Variants in PTGES3L observed in about 807,000 individuals in gnomAD.
The protein encoded by PTGES3L is prostaglandin E synthase 3 like, also known as putative protein PTGES3L.
In PTGES3L, 17 loss-of-function variants were observed where a neutral mutation model predicts 25.0. That is an observed-to-expected ratio of 0.68 (90% CI 0.47 to 1.02). The LOEUF is 1.02. Ranked by LOEUF, PTGES3L falls within the 50% of genes least tolerant of loss-of-function variation. The probability of loss-of-function intolerance (pLI) is 0.00; values close to 1 mark genes in which losing one functional copy is unlikely to be tolerated. For synonymous variants in PTGES3L, 59 were observed against 65.7 expected (o/e 0.90, Z 0.50); for missense variants, 202 against 197.5 (o/e 1.02, Z -0.14).
chr17:42,974,508 A>C (rs1408781107), intron 4 of PTGES3L, among the ~76,000 whole-genome samples: 1 of 151,912 alleles, frequency 6.6e-6, no homozygotes, highest in African/African-American at 2.4e-5. Flanking sequence ...TGCAGTGGCT[A>C]ACATCTGTAA....
chr17:42,970,674 G>GCACACACACACACACACA lies in PTGES3L; in HGVS notation c.379-333_379-332insTGTGTGTGTGTGTGTGTG, dbSNP rs1482998381. Reference sequence around the variant, plus strand: ...CCCATGAAGTTGTCTGGCTTAACACGCGCACACACACACACACACACACAC... The same window carrying GCACACACACACACACACA: ...CCCATGAAGTTGTCTGGCTTAACACGCACACACACACACACACACGCACACACACACACACACACACAC... On this transcript the variant is annotated intron_variant, in intron 5 of 6. Coordinates refer to ENST00000591916, the MANE Select transcript of PTGES3L (RefSeq NM_001261430.2). Among the ~76,000 whole-genome samples, 449 of 105,658 alleles carry GCACACACACACACACACA rather than the reference G, an allele frequency of 4.2e-3. 13 individuals carry two copies. Among genetic ancestry groups the GCACACACACACACACACA allele is most frequent in the African/African-American group, 0.014 (428 of 30,598 alleles). 69.3% of individuals were successfully genotyped at this position (105,658 alleles called of 152,430 possible).
At chr17:42,970,676 GCACACACACACACACACACACACA>G (rs57542042) in intron 5 of PTGES3L, among the ~76,000 whole-genome samples, 1 of 144,092 alleles carries the variant, frequency 6.9e-6, no homozygotes, top group South Asian at 2.2e-4. Flanking sequence ...CTTAACACGC[GCACACACACACACACACACACACA>G]CACACACACA....
At chr17:42,970,676 GCACACACACA>G (rs57542042) in intron 5 of PTGES3L, among the ~76,000 whole-genome samples, 7,927 of 144,102 alleles carry the variant, frequency 0.055, 304 homozygotes, top group East Asian at 0.2. Flanking sequence ...CTTAACACGC[GCACACACACA>G]CACACACACA....
chr17:42,973,586 A>G (rs1244136471), intron 4 of PTGES3L, among the ~76,000 whole-genome samples: 1 of 151,638 alleles, frequency 6.6e-6, no homozygotes, highest in Non-Finnish European at 1.5e-5. Flanking sequence ...GAGAAATCGG[A>G]TGGTTGCCGT....
chr17:42,973,170 C>T (rs2049881996), intron 4 of PTGES3L, among the ~76,000 whole-genome samples: 1 of 148,724 alleles, frequency 6.7e-6, no homozygotes. Context: ...GCCCAGCAGC[C>T]ACCCCATCCG....
chr17:42,972,305 C>G (rs1049190365), intron 4 of PTGES3L, among the ~76,000 whole-genome samples: 1 of 4,360 alleles, frequency 2.3e-4, no homozygotes, highest in Non-Finnish European at 1.2e-3. Flanking sequence ...TGCCCTCTCT[C>G]TCTCCCTCTC....
chr17:42,976,676 G>C (rs1233583158), intron 4 of PTGES3L, among the ~76,000 whole-genome samples: 1 of 151,968 alleles, frequency 6.6e-6, no homozygotes, highest in Non-Finnish European at 1.5e-5. Flanking sequence ...CACCACACCC[G>C]GCCTTAAAAT....
At chr17:42,979,999 C>T (rs1286829250) in intron 1 of PTGES3L, 47 bp downstream of exon 1, 1 of 1,525,094 alleles carries the variant, frequency 6.6e-7, no homozygotes, top group East Asian at 2.5e-5. Context: ...AGCAGGGAAT[C>T]TCCAGGGAAA....
chr17:42,971,916 G>A (rs760215312), intron 4 of PTGES3L: 30 of 501,648 alleles, frequency 6.0e-5, no homozygotes, highest in African/African-American at 1.4e-4. Flanking sequence ...CCGGCCAGGC[G>A]TGGTGGCTCA....
At chr17:42,970,088 C>T (rs2049804397) in intron 6 of PTGES3L, among the ~76,000 whole-genome samples, 1 of 152,140 alleles carries the variant, frequency 6.6e-6, no homozygotes, top group Non-Finnish European at 1.5e-5. Flanking sequence ...GATCGGGCCA[C>T]TGCACTCCAA....
At position 42,969,169 on chromosome 17, in the gene PTGES3L, A is replaced by G; in HGVS notation, c.450T>C (p.Ala150=). 1.4e-6 allele frequency: 2 copies of G among 1,392,080 alleles called. No homozygotes were observed. The highest frequency in any genetic ancestry group is 1.9e-6 in the Non-Finnish European group (2 of 1,034,074). 86.2% of individuals were successfully genotyped at this position (1,392,080 alleles called of 1,614,324 possible). A position where few individuals can be genotyped will look rare whatever the true frequency, so the allele number is the denominator to read the frequency against. ...AAAGTTAATTACTTGTTGCATCATCAGCACTGTCAGAATCATCCTGGGGGC... is the reference window on the plus strand; with the variant it reads ...AAAGTTAATTACTTGTTGCATCATCGGCACTGTCAGAATCATCCTGGGGGC... ...MDDLDDDSDS[A]DDATSN Residue 150 remains alanine (A), a synonymous_variant, in exon 7 of 7, where the codon GCT becomes GCC. Transcript: ENST00000591916.
At chr17:42,978,678 A>T (rs1597745473) in intron 4 of PTGES3L, among the ~76,000 whole-genome samples, 1 of 150,948 alleles carries the variant, frequency 6.6e-6, no homozygotes, top group African/African-American at 2.4e-5. Context: ...ACAAACCTGC[A>T]TGTTCTGCAC....
At chr17:42,973,451 T>G (rs1238554754) in intron 4 of PTGES3L, among the ~76,000 whole-genome samples, 24 of 150,340 alleles carry the variant, frequency 1.6e-4, no homozygotes, top group African/African-American at 5.6e-4. Context: ...TACTGGGAAG[T>G]GAGGAGCCCC....
intron 4 of PTGES3L, among the ~76,000 whole-genome samples, chr17:42,977,398 C>A (rs1217062334): frequency 2.0e-5 from 3 of 150,180 alleles, no homozygotes; most frequent in Non-Finnish European, 4.4e-5. Context: ...TGCACTCCAG[C>A]CTGGGTGACA....
intron 6 of PTGES3L, 65 bp downstream of exon 6, chr17:42,970,224 T>G (rs1225633182): frequency 1.1e-5 from 17 of 1,594,440 alleles, no homozygotes; most frequent in Non-Finnish European, 1.5e-5. Context: ...GGATAGGAGC[T>G]CTCTAGTGGG....
chr17:42,970,686 A>G (rs1054990426), intron 5 of PTGES3L, among the ~76,000 whole-genome samples: 28 of 31,354 alleles, frequency 8.9e-4, no homozygotes, highest in Non-Finnish European at 2.0e-3. Flanking sequence ...GCACACACAC[A>G]CACACACACA....
intron 4 of PTGES3L, 52 bp from the exon 5 acceptor site, chr17:42,971,748 G>A (rs377329113): frequency 2.5e-6 from 4 of 1,590,184 alleles, no homozygotes; most frequent in African/African-American, 1.3e-5. Flanking sequence ...GAGCAGGAGT[G>A]TGTGGGAGAG....
chr17:42,971,460 C>G, intron 5 of PTGES3L, 147 bp downstream of exon 5: 1 of 705,880 alleles, frequency 1.4e-6, no homozygotes, highest in Non-Finnish European at 2.3e-6. Flanking sequence ...GCACAAAATA[C>G]GTAAAGAATA....
In PTGES3L at chr17:42,979,648, G is replaced by A; in HGVS notation, c.24C>T (p.Thr8=). The A allele has an allele frequency of 6.2e-7, 1 of 1,614,094 alleles. No individual in the cohort carries two copies. Among genetic ancestry groups the A allele is most frequent in the South Asian group, 1.1e-5 (1 of 91,082 alleles). The change falls in exon 2 of 7, where the codon ACC becomes ACT. Residue 8 remains threonine, a synonymous_variant. Transcript: ENST00000591916. MARQHAR[T]LWYDRPRYVF... ...CATACCTGGGCCTGTCGTACCACAA[G>A]GTCCGGGCGTGCTGCCTGAAGAGAA...
Sources: allele counts gnomAD v4.1 joint callset (sites outside exome capture counted in the v4.1 genomes callset), GRCh38; gene constraint gnomAD v4.1.1; transcripts MANE v1.5; gene names NCBI Gene and HGNC (gene_info 2026-07-23, HGNC 2026-07-21).